IPO5: variants seen among roughly 807,000 people sequenced by gnomAD.
IPO5 encodes importin-5.
A neutral mutation model predicts 143.3 loss-of-function variants in IPO5; 18 were observed. The observed-to-expected ratio is 0.13, with a 90% confidence interval of 0.09 to 0.19. IPO5 has a LOEUF of 0.19. Among genes scored for constraint, IPO5 ranks in the 10% least tolerant of loss-of-function variants. The pLI is 1.00. For missense variants in IPO5, 1,013 were observed against 1,336.9 expected (o/e 0.76, Z 3.78); for synonymous variants, 477 against 465.7 (o/e 1.02, Z -0.31).
At chr13:97,986,938 G>A (rs1267270417) in intron 6 of IPO5, 1 of 152,300 alleles carries the variant, frequency 6.6e-6, no homozygotes, top group Non-Finnish European at 1.5e-5. Context: ...GAGGTCACTG[G>A]GCTTTTAGTG....
rs573976741 is a variant in IPO5, at chr13:98,006,973, C to A, written c.1716+625C>A. Reference sequence around the variant, plus strand: ...CTCTGCCTCCTGGGTTCAAGCGATTCTCCTGCGTCAGCCTCCCAGGTAGCT... The same window carrying A: ...CTCTGCCTCCTGGGTTCAAGCGATTATCCTGCGTCAGCCTCCCAGGTAGCT... On this transcript the variant is annotated intron_variant, in intron 17 of 28. Transcript: ENST00000651721. 4.2e-4 allele frequency among the ~76,000 whole-genome samples: 62 copies of A among 149,302 alleles called. 2 individuals are homozygous for A. Among genetic ancestry groups the A allele is most frequent in the Admixed American group, 4.7e-4 (7 of 14,918 alleles).
chr13:97,991,239 A>C (rs1212041979), intron 9 of IPO5, among the ~76,000 whole-genome samples: 2 of 152,064 alleles, frequency 1.3e-5, no homozygotes, highest in African/African-American at 2.4e-5. Context: ...ATATGGCCTT[A>C]ATACAAAAAA....
intron 2 of IPO5, among the ~76,000 whole-genome samples, chr13:97,966,275 A>T (rs1408007641): frequency 6.6e-6 from 1 of 152,194 alleles, no homozygotes; most frequent in Non-Finnish European, 1.5e-5. Flanking sequence ...AGTCTGTCAC[A>T]GATGGCTTTT....
intron 2 of IPO5, among the ~76,000 whole-genome samples, chr13:97,955,442 G>A (rs1310866770): frequency 6.6e-6 from 1 of 152,058 alleles, no homozygotes; most frequent in Non-Finnish European, 1.5e-5. Flanking sequence ...ATTTTATGTT[G>A]GCAGCTACAA....
In IPO5 at chr13:98,015,223, T is replaced by A. The variant is rs892611506; in HGVS notation, c.2326-307T>A. Among the ~76,000 whole-genome samples the A allele has an allele frequency of 3.5e-5, 5 of 144,550 alleles. No individual in the cohort carries two copies. The Admixed American group carries it at 3.7e-4, about 11-fold the overall frequency. 94.8% of individuals were successfully genotyped at this position (144,550 alleles called of 152,430 possible). On this transcript the variant is annotated intron_variant, in intron 22 of 28. Coordinates refer to ENST00000651721, the MANE Select transcript of IPO5 (RefSeq NM_002271.6). Reference sequence around the variant, plus strand: ...GTGTACGGAGTATGGATATAGCAATTGTGTTCCTTAGGAGCTGGTTGTGTG... The same window carrying A: ...GTGTACGGAGTATGGATATAGCAATAGTGTTCCTTAGGAGCTGGTTGTGTG...
Position 97,999,100 on chromosome 13 carries a change from G to A in IPO5, c.1002-1439G>A, listed in dbSNP as rs1009761157. 3.9e-5 allele frequency among the ~76,000 whole-genome samples: 6 copies of A among 152,046 alleles called. No homozygotes were observed. The East Asian group carries it at 5.8e-4, about 15-fold the overall frequency. On this transcript the variant is annotated intron_variant, in intron 12 of 28. Coordinates refer to ENST00000651721, the MANE Select transcript of IPO5 (RefSeq NM_002271.6). ...GGAGGTTGCAGTGAGCTGAGATCAC[G>A]TCATTGCGCTACAGCCTGGGCAACA...
chr13:97,993,980 T>C (rs1313993378), intron 11 of IPO5, among the ~76,000 whole-genome samples: 3 of 152,218 alleles, frequency 2.0e-5, no homozygotes, highest in African/African-American at 7.2e-5. Flanking sequence ...CTGCCCCAGC[T>C]GATGCATTAA....
chr13:98,003,752 G>A (rs1888986400), intron 16 of IPO5, among the ~76,000 whole-genome samples: 1 of 151,948 alleles, frequency 6.6e-6, no homozygotes, highest in Admixed American at 6.6e-5. Context: ...GGGAGGCTAA[G>A]AGGAGAATCA....
At chr13:97,969,896 G>C (rs575974249) in intron 3 of IPO5, 66 bp downstream of exon 3, 4 of 1,255,288 alleles carry the variant, frequency 3.2e-6, no homozygotes, top group Non-Finnish European at 4.6e-6. Context: ...ACAAGGTCTC[G>C]CCATGTTGCC....
rs1426476081 is a variant in IPO5, at chr13:98,002,892, A to T, written c.1352A>T (p.Glu451Val). The change falls in exon 16 of 29, where the codon GAA (glutamate) becomes GTA (valine). Residue 451 changes from glutamate to valine, a missense_variant. Physicochemically the swap from Glu to Val is moderately radical, Grantham distance 121. Coordinates refer to ENST00000651721, the MANE Select transcript of IPO5 (RefSeq NM_002271.6). Reference protein sequence around the residue: ...KVIAALLQTMEDQGNQRVQAH... With the variant: ...KVIAALLQTMVDQGNQRVQAH... ...ATTGCAGCTCTGCTGCAGACCATGG[A>T]AGACCAAGGCAATCAACGTGTGCAG... is the stretch of plus-strand genomic sequence containing the variant. 6.2e-7 allele frequency: 1 copy of T among 1,613,388 alleles called. No individual in the cohort carries two copies. The highest frequency in any genetic ancestry group is 8.5e-7 in the Non-Finnish European group (1 of 1,179,756).
At chr13:97,970,516 G>C (rs952774386) in intron 3 of IPO5, among the ~76,000 whole-genome samples, 1 of 152,184 alleles carries the variant, frequency 6.6e-6, no homozygotes, top group African/African-American at 2.4e-5. Context: ...AGCTACTTGG[G>C]GGGCTGAGGC....
intron 16 of IPO5, 82 bp from the exon 17 acceptor site, chr13:98,006,048 G>C: frequency 2.2e-6 from 2 of 908,154 alleles, no homozygotes; most frequent in Non-Finnish European, 3.5e-6. Context: ...AAGCATTCAA[G>C]AACTTGAAGG....
intron 3 of IPO5, among the ~76,000 whole-genome samples, chr13:97,973,237 G>A (rs1473944642): frequency 5.9e-5 from 9 of 151,696 alleles, no homozygotes; most frequent in Admixed American, 1.3e-4. Flanking sequence ...TAGTAGAGAC[G>A]GGGTCTCGCC....
At chr13:97,985,041 G>GT (rs1887206594) in intron 5 of IPO5, among the ~76,000 whole-genome samples, 2 of 152,210 alleles carry the variant, frequency 1.3e-5, no homozygotes, top group South Asian at 4.1e-4. Flanking sequence ...CTAAGGTTGG[G>GT]TGGGAAAGGC....
At chr13:97,966,418 G>GTA (rs1885342670) in intron 2 of IPO5, among the ~76,000 whole-genome samples, 1 of 152,034 alleles carries the variant, frequency 6.6e-6, no homozygotes, top group Admixed American at 6.6e-5. Context: ...TATTAATATG[G>GTA]TATATTACAT....
At chr13:98,006,643 G>C (rs184395512) in intron 17 of IPO5, among the ~76,000 whole-genome samples, 53 of 151,852 alleles carry the variant, frequency 3.5e-4, no homozygotes, top group Non-Finnish European at 4.0e-4. Flanking sequence ...CAGAGTGCTG[G>C]GATTACAGGC....
intron 1 of IPO5, 180 bp downstream of exon 1, chr13:97,953,896 A>G (rs1884280735): frequency 2.2e-6 from 1 of 456,068 alleles, no homozygotes. Context: ...GTCAGAGACA[A>G]TGATTTGGAG....
Position 98,019,599 on chromosome 13 carries a change from T to C in IPO5, c.2855T>C (p.Val952Ala). 2 of 1,613,542 alleles carry C rather than the reference T, an allele frequency of 1.2e-6. No homozygotes were observed. The highest frequency in any genetic ancestry group is 1.7e-6 in the Non-Finnish European group (2 of 1,179,502). Residue 952 changes from valine (V) to alanine (A), a missense_variant, in exon 27 of 29, where the codon GTA (valine) becomes GCA (alanine). Around this residue, in one of 2 missense-constraint regions of IPO5, gnomAD observed 685 missense variants for 994.9 expected, o/e 0.69. Coordinates refer to ENST00000651721, the MANE Select transcript of IPO5 (RefSeq NM_002271.6). ...ATTTTAGAAGCACTTCCCCTGCTGGTAAGAGTTATTCAGTCTGCGGATTCT... is the reference window on the plus strand; with the variant it reads ...ATTTTAGAAGCACTTCCCCTGCTGGCAAGAGTTATTCAGTCTGCGGATTCT... Reference protein sequence around the residue: ...PFCTEALPLLVRVIQSADSKT... With the variant: ...PFCTEALPLLARVIQSADSKT...
At chr13:97,957,978 G>A (rs1002159033) in intron 2 of IPO5, among the ~76,000 whole-genome samples, 1 of 151,984 alleles carries the variant, frequency 6.6e-6, no homozygotes, top group Non-Finnish European at 1.5e-5. Context: ...GAGTGAGACA[G>A]AATGAGACTC....
Sources: gnomAD v4.1 joint callset for allele counts (sites outside exome capture counted in the v4.1 genomes callset) on GRCh38, gnomAD v4.1.1 for gene constraint, gnomAD v4.1.1 regional missense constraint, MANE v1.5 for transcripts, NCBI Gene and HGNC (gene_info 2026-07-23, HGNC 2026-07-21) for gene names.